FBN3: variants seen among roughly 807,000 people sequenced by gnomAD.
FBN3 encodes fibrillin 3.
A neutral mutation model predicts 330.1 loss-of-function variants in FBN3; 234 were observed. The ratio of observed to expected loss-of-function variants is 0.71; its 90% CI spans 0.64 to 0.79. The LOEUF is 0.79. FBN3 is among the 30% of genes least tolerant of loss of function. FBN3 has a pLI of 0.00. For missense variants in FBN3, 3,606 were observed against 3,886.9 expected, an observed-to-expected ratio of 0.93 and a Z score of 1.92; for synonymous variants, 1,458 against 1,517.3, an observed-to-expected ratio of 0.96 and a Z score of 0.91.
chr19:8,137,888 A>G (rs949248720), intron 10 of FBN3, among the ~76,000 whole-genome samples: 1 of 152,136 alleles, frequency 6.6e-6, no homozygotes, highest in African/African-American at 2.4e-5. Flanking sequence ...TCGGCCTCCC[A>G]AAGTACTGGG....
chr19:8,071,514 T>C (rs17261710), intron 63 of FBN3, among the ~76,000 whole-genome samples: 19,355 of 152,192 alleles, frequency 0.13, 1,458 homozygotes, highest in Non-Finnish European at 0.17. Flanking sequence ...GGGAAGGGGC[T>C]TGGGCTTAAC....
intron 6 of FBN3, among the ~76,000 whole-genome samples, chr19:8,143,533 G>A (rs1434104682): frequency 8.2e-6 from 1 of 121,634 alleles, no homozygotes; most frequent in Non-Finnish European, 1.6e-5. Flanking sequence ...GTTTCGCTCT[G>A]TCTTCCAGGC....
intron 8 of FBN3, among the ~76,000 whole-genome samples, chr19:8,139,776 G>A (rs1366188890): frequency 6.6e-6 from 1 of 151,846 alleles, no homozygotes; most frequent in African/African-American, 2.4e-5. Flanking sequence ...TCAGGCTCTG[G>A]CTTAAAGAGC....
intron 6 of FBN3, among the ~76,000 whole-genome samples, chr19:8,143,438 C>T (rs1292699500): frequency 6.6e-6 from 1 of 152,034 alleles, no homozygotes; most frequent in Admixed American, 6.6e-5. Flanking sequence ...GTCCCTGCCA[C>T]ACCTCACTGC....
chr19:8,138,199 G>C lies in FBN3; in HGVS notation c.1143C>G (p.Asn381Lys), dbSNP rs754932750. 6.2e-7 allele frequency: 1 copy of C among 1,612,948 alleles called. No individual in the cohort carries two copies. Among genetic ancestry groups the C allele is most frequent in the Non-Finnish European group, 8.5e-7 (1 of 1,179,672 alleles). Residue 381 changes from asparagine (N) to lysine (K), a missense_variant, in exon 10 of 64, where the codon AAC (asparagine) becomes AAG (lysine). Physicochemically the swap from Asn to Lys is moderately conservative, Grantham distance 94. Transcript: ENST00000600128. The stretch of plus-strand genomic sequence containing the variant: ...TCCCACGCGCATCAGAGCCATGGGG[G>C]TTGAGTCGCGCTGGCCCAAGAGGGG... Reference protein sequence around the residue: ...MGPPLGPARLNPHGSDARGIP... With the variant: ...MGPPLGPARLKPHGSDARGIP...
In FBN3 at chr19:8,121,430, C is replaced by T. The variant is rs1335455472; in HGVS notation, c.3083-44G>A. 1.3e-6 allele frequency: 2 copies of T among 1,531,632 alleles called. No homozygotes were observed. Among genetic ancestry groups the T allele is most frequent in the Non-Finnish European group, 1.8e-6 (2 of 1,135,128 alleles). 94.9% of individuals were successfully genotyped at this position (1,531,632 alleles called of 1,614,324 possible). ...GAGGCCGGAGGCGCCATGTGGGCCG[C>T]ATCATGGGGCACGAGGCAGGGGGGT... On this transcript the variant is annotated intron_variant, in intron 24 of 63. Transcript: ENST00000600128. This position sits in a 1 kb window ranked among gnomAD's most constrained non-coding sequence, Gnocchi z 4.5.
At position 8,081,586 on chromosome 19, in the gene FBN3, A is replaced by G. The variant is rs143841160; in HGVS notation, c.7214-106T>C. On this transcript the variant is annotated intron_variant, in intron 57 of 63. Coordinates refer to ENST00000600128, the MANE Select transcript of FBN3 (RefSeq NM_032447.5). ...GACCCCGACCATCTGAAATCTGTGG[A>G]CTTACACAGGAATGAACACTTCTTT... 365 of 1,301,048 alleles carry G rather than the reference A, an allele frequency of 2.8e-4. 1 individual carries two copies. The highest frequency in any genetic ancestry group is 2.3e-3 in the African/African-American group (154 of 67,426). The allele number at this position is 1,301,048 out of a possible 1,614,324, so 80.6% of individuals were successfully genotyped here. A position where few individuals can be genotyped will look rare whatever the true frequency, so the allele number is the denominator to read the frequency against.
Position 8,129,602 on chromosome 19 carries a change from C to T in FBN3, c.2045-237G>A, listed in dbSNP as rs558602268. On this transcript the variant is annotated intron_variant, in intron 16 of 63. Coordinates refer to ENST00000600128, the MANE Select transcript of FBN3 (RefSeq NM_032447.5). This position sits in a 1 kb window ranked among gnomAD's most constrained non-coding sequence, Gnocchi z 4.5. ...GGCCATCCCACGCATTTTAGGATGTCGAGCAGCTCCCGTGGCCTCCACCCA... is the reference window on the plus strand; with the variant it reads ...GGCCATCCCACGCATTTTAGGATGTTGAGCAGCTCCCGTGGCCTCCACCCA... Among the ~76,000 whole-genome samples the T allele has an allele frequency of 1.3e-4, 20 of 152,246 alleles. No individual in the cohort carries two copies. The South Asian group carries it at 4.2e-3, about 32-fold the overall frequency.
rs146293900 is a variant in FBN3, at chr19:8,144,862, G to A, written c.541+15C>T. 498 of 1,581,876 alleles carry A rather than the reference G, an allele frequency of 3.1e-4. No individual in the cohort carries two copies. The highest frequency in any genetic ancestry group is 2.5e-3 in the Admixed American group (140 of 55,070). On this transcript the variant is annotated intron_variant, in intron 6 of 63. Transcript: ENST00000600128. ...CGAGTCCCCTGTCTACCTCCCACCC[G>A]CGCATGCTTGGTACCTCTCTCACAT...
intron 16 of FBN3, among the ~76,000 whole-genome samples, chr19:8,130,674 A>G (rs7259006): frequency 0.022 from 1,641 of 75,978 alleles, 45 homozygotes; most frequent in African/African-American, 0.037. Flanking sequence ...AGAAAAGAAA[A>G]GAAAAGAAAA....
intron 56 of FBN3, among the ~76,000 whole-genome samples, chr19:8,084,291 T>C (rs2081882660): frequency 6.6e-6 from 1 of 152,114 alleles, no homozygotes; most frequent in South Asian, 2.1e-4. Context: ...ACTTCACAGA[T>C]GAACATGGTG....
chr19:8,086,459 A>ATTT (rs200023603), intron 54 of FBN3, 134 bp from the exon 55 acceptor site: 170 of 271,704 alleles, frequency 6.3e-4, no homozygotes, highest in Middle Eastern at 1.4e-3. Flanking sequence ...TATTATTATT[A>ATTT]TTATTATTAT....
Position 8,131,503 on chromosome 19 carries a change from G to A in FBN3, c.1990+51C>T, listed in dbSNP as rs759070253. The stretch of plus-strand genomic sequence containing the variant: ...CCCCCCACCAGAAGCGAGAACCGAT[G>A]GAGGCATTCAGACCAAGGAGGCGAT... On this transcript the variant is annotated intron_variant, in intron 15 of 63. Coordinates refer to ENST00000600128, the MANE Select transcript of FBN3 (RefSeq NM_032447.5). The surrounding 1 kb of genome is among the most constrained non-coding windows in gnomAD (Gnocchi z 4.5). The A allele has an allele frequency of 3.8e-6, 6 of 1,559,336 alleles. No homozygotes were observed. Among genetic ancestry groups the A allele is most frequent in the African/African-American group, 1.4e-5 (1 of 73,806 alleles).
intron 13 of FBN3, 142 bp from the exon 14 acceptor site, chr19:8,133,248 G>T: frequency 9.0e-7 from 1 of 1,107,846 alleles, no homozygotes; most frequent in Non-Finnish European, 1.2e-6. Context: ...CTGTGACTGT[G>T]TGAGCTTGTA....
In FBN3 at chr19:8,147,538, AC is replaced by A. The variant is rs1396743734; in HGVS notation, c.-17-42del. On this transcript the variant is annotated intron_variant, in intron 1 of 63. Transcript: ENST00000600128. ...AGAGTCAGCCCTAGATGAGCCCCCCACCCTAGCCATGGGGGACCCAACACAA... is the reference window on the plus strand; with the variant it reads ...AGAGTCAGCCCTAGATGAGCCCCCCACCTAGCCATGGGGGACCCAACACAA... 2.9e-6 allele frequency: 4 copies of A among 1,392,802 alleles called. No individual in the cohort carries two copies. The Admixed American group carries it at 1.3e-4, about 44-fold the overall frequency. The allele number at this position is 1,392,802 out of a possible 1,614,324, so 86.3% of individuals were successfully genotyped here. A position where few individuals can be genotyped will look rare whatever the true frequency, so the allele number is the denominator to read the frequency against.
Position 8,096,412 on chromosome 19 carries a change from C to T in FBN3, c.5539+32G>A. The T allele has an allele frequency of 1.9e-6, 3 of 1,600,730 alleles. No homozygotes were observed. Among genetic ancestry groups the T allele is most frequent in the Non-Finnish European group, 2.6e-6 (3 of 1,171,864 alleles). On this transcript the variant is annotated intron_variant, in intron 44 of 63. Coordinates refer to ENST00000600128, the MANE Select transcript of FBN3 (RefSeq NM_032447.5). The surrounding 1 kb of genome is among the most constrained non-coding windows in gnomAD (Gnocchi z 4.6). Reference sequence around the variant, plus strand: ...GAGGTTTAGACCCCAGGCAGCCTGGCTTGAAAAGGAGGGGGAAGATAAGGG... The same window carrying T: ...GAGGTTTAGACCCCAGGCAGCCTGGTTTGAAAAGGAGGGGGAAGATAAGGG...
chr19:8,116,132 G>T (rs1192426761), intron 29 of FBN3, among the ~76,000 whole-genome samples: 1 of 152,072 alleles, frequency 6.6e-6, no homozygotes, highest in Non-Finnish European at 1.5e-5. Flanking sequence ...TCGGTTTCTT[G>T]GCCGGGAGTT....
intron 8 of FBN3, among the ~76,000 whole-genome samples, chr19:8,140,637 T>C (rs1164376881): frequency 1.3e-5 from 2 of 152,088 alleles, no homozygotes; most frequent in South Asian, 2.1e-4. Flanking sequence ...TTGAGCTAGG[T>C]ACTGCTATTA....
Position 8,075,336 on chromosome 19 carries a change from C to T in FBN3, c.7529G>A (p.Arg2510His), listed in dbSNP as rs540174603. Residue 2510 changes from arginine (R) to histidine (H), a missense_variant, in exon 60 of 64, where the codon CGC becomes CAC. Arg to His is a conservative substitution (Grantham distance 29, BLOSUM62 0). Transcript: ENST00000600128. ...GGTGAAGCCTTGGTGGCATTCACAGCGGAAGCTGCCCGGGGTGTTGTGGCA... is the reference window on the plus strand; with the variant it reads ...GGTGAAGCCTTGGTGGCATTCACAGTGGAAGCTGCCCGGGGTGTTGTGGCA... ...GHCHNTPGSF[R>H]CECHQGFTLV... 229 of 1,614,214 alleles carry T rather than the reference C, an allele frequency of 1.4e-4. 2 individuals carry two copies. The South Asian group carries it at 2.0e-3, about 14-fold the overall frequency.
Sources: allele counts gnomAD v4.1 joint callset (sites outside exome capture counted in the v4.1 genomes callset), GRCh38; gene constraint gnomAD v4.1.1; non-coding constraint Gnocchi (gnomAD v3.1); transcripts MANE v1.5; gene names NCBI Gene and HGNC (gene_info 2026-07-23, HGNC 2026-07-21).